Variants in GPR160 observed in about 807,000 individuals in gnomAD.
The protein encoded by GPR160 is G protein-coupled receptor 160, also known as probable G protein-coupled receptor 160.
In GPR160, 2 loss-of-function variants were observed where a neutral mutation model predicts 2.6. That is an observed-to-expected ratio of 0.77 (90% CI 0.32 to 2.44). The LOEUF (loss-of-function observed/expected upper bound fraction) is 2.44. Among genes scored for constraint, GPR160 ranks in the 30% most tolerant of loss-of-function variants. The probability of loss-of-function intolerance (pLI) is 0.11; values close to 1 mark genes in which losing one functional copy is unlikely to be tolerated. For missense variants in GPR160, 351 were observed against 383.6 expected, an observed-to-expected ratio of 0.91 and a Z score of 0.71; for synonymous variants, 130 against 132.2, an observed-to-expected ratio of 0.98 and a Z score of 0.12.
chr3:170,050,140 A>G (rs1292458909), intron 2 of GPR160, among the ~76,000 whole-genome samples: 3 of 150,644 alleles, frequency 2.0e-5, no homozygotes, highest in African/African-American at 7.3e-5. Context: ...GCTCACTGCA[A>G]CCTCCACCTC....
intron 2 of GPR160, among the ~76,000 whole-genome samples, chr3:170,074,238 GT>G (rs1712742675): frequency 6.6e-6 from 1 of 152,034 alleles, no homozygotes; most frequent in Non-Finnish European, 1.5e-5. Flanking sequence ...AGTTTCGGTA[GT>G]GTCTTTCCAG....
At chr3:170,053,637 G>A (rs191418269) in intron 2 of GPR160, among the ~76,000 whole-genome samples, 1 of 152,266 alleles carries the variant, frequency 6.6e-6, no homozygotes, top group African/African-American at 2.4e-5. Context: ...TTGAGTAGAT[G>A]TAGTAAGGAC....
At chr3:170,076,363 C>T (rs1399783426) in intron 2 of GPR160, among the ~76,000 whole-genome samples, 1 of 151,310 alleles carries the variant, frequency 6.6e-6, no homozygotes, top group African/African-American at 2.4e-5. Flanking sequence ...TTTTTTTTTC[C>T]ACTGAATTTG....
intron 2 of GPR160, chr3:170,062,388 TC>T (rs1712009299): frequency 5.6e-6 from 2 of 356,912 alleles, no homozygotes; most frequent in South Asian, 5.4e-5. Flanking sequence ...CAATCAAAGA[TC>T]TTTTCCTCCG....
At chr3:170,045,398 ACTAAAAATAC>A (rs1716665930) in intron 2 of GPR160, among the ~76,000 whole-genome samples, 1 of 121,916 alleles carries the variant, frequency 8.2e-6, no homozygotes, top group Non-Finnish European at 1.6e-5. Context: ...CCCTGTCTCT[ACTAAAAATAC>A]AAAAAAAAAA....
At chr3:170,063,743 G>T (rs1458837939) in intron 2 of GPR160, among the ~76,000 whole-genome samples, 3 of 152,042 alleles carry the variant, frequency 2.0e-5, no homozygotes, top group Non-Finnish European at 4.4e-5. Flanking sequence ...CTAACATCTG[G>T]ACAGGCGCTC....
chr3:170,078,827 G>C (rs1387375297), intron 2 of GPR160, among the ~76,000 whole-genome samples: 2 of 152,174 alleles, frequency 1.3e-5, no homozygotes, highest in African/African-American at 4.8e-5. Context: ...AAAAAAAGGG[G>C]GAGATGTAGA....
rs747320666 is a variant in GPR160, at chr3:170,084,702, C to T, written c.730C>T (p.Leu244Phe). 7.6e-5 allele frequency: 123 copies of T among 1,612,102 alleles called. No individual in the cohort carries two copies. Among genetic ancestry groups the T allele is most frequent in the Non-Finnish European group, 1.0e-4 (120 of 1,178,700 alleles). ...ATCTAAAAAAATATTCTTATCCAAG[C>T]TCATTGTCTGTTTTCTCAGTACCTG... Reference protein sequence around the residue: ...VRSKKIFLSKLIVCFLSTWLP... With the variant: ...VRSKKIFLSKFIVCFLSTWLP... Residue 244 changes from leucine to phenylalanine, a missense_variant, in exon 4 of 4, where the codon CTC (leucine) becomes TTC (phenylalanine). Physicochemically the swap from Leu to Phe is conservative, Grantham distance 22. Transcript: ENST00000355897.
At chr3:170,080,495 GT>G (rs777442110) in intron 3 of GPR160, among the ~76,000 whole-genome samples, 1 of 151,932 alleles carries the variant, frequency 6.6e-6, no homozygotes, top group Admixed American at 6.6e-5. Flanking sequence ...CTTTATTCCA[GT>G]CATCTTCTGA....
intron 2 of GPR160, among the ~76,000 whole-genome samples, chr3:170,054,935 C>T (rs1422058591): frequency 1.3e-5 from 2 of 151,740 alleles, no homozygotes; most frequent in African/African-American, 2.4e-5. Context: ...CTGGGATTAC[C>T]GCCATCTGCT....
At chr3:170,060,956 A>G (rs1711909150) in intron 2 of GPR160, among the ~76,000 whole-genome samples, 1 of 152,156 alleles carries the variant, frequency 6.6e-6, no homozygotes, top group Non-Finnish European at 1.5e-5. Context: ...GATATTTTAC[A>G]AGATAACTGA....
intron 2 of GPR160, among the ~76,000 whole-genome samples, chr3:170,040,163 A>C (rs988412152): frequency 2.6e-5 from 4 of 152,218 alleles, no homozygotes; most frequent in Admixed American, 6.5e-5. Context: ...CACATTCAGC[A>C]CCTGTATCCC....
chr3:170,084,970 T>TATCA lies in GPR160; in HGVS notation c.1001_1004dup (p.Met336AsnfsTer21), dbSNP rs1713352478. The TATCA allele has an allele frequency of 6.5e-7, 1 of 1,526,996 alleles. No homozygotes were observed. Among genetic ancestry groups the TATCA allele is most frequent in the Non-Finnish European group, 8.9e-7 (1 of 1,129,800 alleles). The allele number at this position is 1,526,996 out of a possible 1,614,324, so 94.6% of individuals were successfully genotyped here. On this transcript the variant is annotated frameshift_variant, in exon 4 of 4. Coordinates refer to ENST00000355897, the MANE Select transcript of GPR160 (RefSeq NM_014373.3). LOFTEE classifies it high-confidence loss of function. ...AATCTTGAGCAAATTGAAAAGCCTA[T>TATCA]ATCAATAATGATTTGTTAATATTAT...
chr3:170,067,864 C>CACACTTGACTCACG (rs1712423059), intron 2 of GPR160, among the ~76,000 whole-genome samples: 1 of 152,122 alleles, frequency 6.6e-6, no homozygotes, highest in Non-Finnish European at 1.5e-5. Context: ...ATAGGGTTTT[C>CACACTTGACTCACG]CACAGTGTGA....
intron 2 of GPR160, chr3:170,057,206 T>C (rs1711690545): frequency 6.6e-6 from 1 of 152,194 alleles, no homozygotes; most frequent in African/African-American, 2.4e-5. Flanking sequence ...TTACCTAGAA[T>C]GTAAGTTGAA....
Position 170,069,715 on chromosome 3 carries a change from T to A in GPR160, c.-192-10059T>A, listed in dbSNP as rs192534551. On this transcript the variant is annotated intron_variant, in intron 2 of 3. Transcript: ENST00000355897. ...CCCCCAGCACACACACTGCATTATG[T>A]TGGCGCAAATTCCAGACAACCTATT... is the stretch of plus-strand genomic sequence containing the variant. Among the ~76,000 whole-genome samples, 7 of 152,350 alleles carry A rather than the reference T, an allele frequency of 4.6e-5. No individual in the cohort carries two copies. In the East Asian group the frequency reaches 1.3e-3, roughly 29 times the overall value.
At chr3:170,055,943 CTT>C (rs1711623455) in intron 2 of GPR160, among the ~76,000 whole-genome samples, 1 of 152,308 alleles carries the variant, frequency 6.6e-6, no homozygotes, top group African/African-American at 2.4e-5. Flanking sequence ...CTTAAAAACT[CTT>C]TTTAAACCTC....
chr3:170,048,548 G>T (rs1462439669), intron 2 of GPR160, among the ~76,000 whole-genome samples: 1 of 151,882 alleles, frequency 6.6e-6, no homozygotes, highest in Non-Finnish European at 1.5e-5. Context: ...CTCATTTTTT[G>T]ATGTTGTACA....
At chr3:170,081,944 A>G (rs1043285012) in intron 3 of GPR160, among the ~76,000 whole-genome samples, 1 of 152,224 alleles carries the variant, frequency 6.6e-6, no homozygotes, top group African/African-American at 2.4e-5. Flanking sequence ...GTATATATGT[A>G]CCACATTTTC....
Sources: allele counts gnomAD v4.1 joint callset (sites outside exome capture counted in the v4.1 genomes callset), GRCh38; gene constraint gnomAD v4.1.1; transcripts MANE v1.5; gene names NCBI Gene and HGNC (gene_info 2026-07-23, HGNC 2026-07-21).